NAF1: variants seen among roughly 807,000 people sequenced by gnomAD.
The protein encoded by NAF1 is nuclear assembly factor 1 ribonucleoprotein, also known as H/ACA ribonucleoprotein complex non-core subunit NAF1.
In NAF1, 11 loss-of-function variants were observed where a neutral mutation model predicts 40.6. The ratio of observed to expected loss-of-function variants is 0.27; its 90% CI spans 0.17 to 0.45. The LOEUF is 0.45. NAF1 is among the 20% of genes least tolerant of loss of function. The pLI, the probability that NAF1 is intolerant of heterozygous loss-of-function variation, is 1.00. For synonymous variants in NAF1, 260 were observed against 228.5 expected (o/e 1.14, Z -1.24); for missense variants, 607 against 611.1 (o/e 0.99, Z 0.07).
At chr4:163,161,338 T>G (rs1732211903) in intron 2 of NAF1, among the ~76,000 whole-genome samples, 1 of 151,898 alleles carries the variant, frequency 6.6e-6, no homozygotes, top group African/African-American at 2.4e-5. Context: ...CAAGGCGTGG[T>G]GGTGGGCGCT....
chr4:163,132,063 C>T (rs1028717944), intron 7 of NAF1, among the ~76,000 whole-genome samples: 9 of 152,084 alleles, frequency 5.9e-5, no homozygotes, highest in African/African-American at 2.2e-4. Flanking sequence ...AGTGATAACA[C>T]CAAATGCTGG....
chr4:163,115,672 T>G (rs1186847593), intron 2 of NAF1, among the ~76,000 whole-genome samples: 1 of 152,218 alleles, frequency 6.6e-6, no homozygotes, highest in African/African-American at 2.4e-5. Context: ...GTAGTTTTTT[T>G]GTGACTGGGC....
chr4:163,129,443 G>C (rs918656866), intron 7 of NAF1, 95 bp from the exon 8 acceptor site: 8 of 1,256,272 alleles, frequency 6.4e-6, no homozygotes, highest in Non-Finnish European at 8.7e-6. Context: ...TTATTATCCA[G>C]TATATCTTGT....
chr4:163,124,424 G>A (rs1021891681), downstream of NAF1, among the ~76,000 whole-genome samples: 3 of 129,124 alleles, frequency 2.3e-5, no homozygotes, highest in African/African-American at 7.4e-5. Flanking sequence ...CCATACATAA[G>A]TGCAGAGCCC....
chr4:163,108,415 C>T (rs1238259659), downstream of NAF1, among the ~76,000 whole-genome samples: 4 of 152,126 alleles, frequency 2.6e-5, no homozygotes, highest in Non-Finnish European at 4.4e-5. Context: ...CCTCCTAAAA[C>T]AATAGTTGAC....
intron 2 of NAF1, among the ~76,000 whole-genome samples, chr4:163,161,246 G>A (rs1470369562): frequency 6.6e-6 from 1 of 152,140 alleles, no homozygotes; most frequent in Non-Finnish European, 1.5e-5. Context: ...GCCGAGGCAG[G>A]TGGATCACCT....
intron 4 of NAF1, among the ~76,000 whole-genome samples, chr4:163,140,797 G>A (rs1219572667): frequency 6.6e-6 from 1 of 152,172 alleles, no homozygotes; most frequent in Admixed American, 6.5e-5. Context: ...AAATATAAAA[G>A]CAAGCTTCTG....
At chr4:163,108,681 T>A (rs1014617249), downstream of NAF1, 21 of 152,170 alleles carry the variant, frequency 1.4e-4, no homozygotes, top group African/African-American at 3.6e-4. Flanking sequence ...TAATAGAATA[T>A]GGGTTTTCAA....
intron 2 of NAF1, among the ~76,000 whole-genome samples, chr4:163,159,814 A>T (rs1321551918): frequency 6.6e-6 from 1 of 152,150 alleles, no homozygotes; most frequent in African/African-American, 2.4e-5. Flanking sequence ...ATGCCTAAAG[A>T]CACATTATTA....
At chr4:163,125,433 A>G (rs1016284571), downstream of NAF1, among the ~76,000 whole-genome samples, 1 of 152,254 alleles carries the variant, frequency 6.6e-6, no homozygotes, top group African/African-American at 2.4e-5. Context: ...GCTTTACAGC[A>G]GATATGGAGT....
downstream of NAF1, chr4:163,108,999 C>T (rs767760941): frequency 3.9e-4 from 59 of 151,992 alleles, no homozygotes; most frequent in African/African-American, 1.4e-3. Flanking sequence ...TTCCCTATTC[C>T]GTCCTTTCTC....
intron 2 of NAF1, among the ~76,000 whole-genome samples, chr4:163,117,911 CA>C (rs1730399443): frequency 1.3e-5 from 2 of 152,054 alleles, no homozygotes; most frequent in South Asian, 4.2e-4. Flanking sequence ...TTTTTTTAAG[CA>C]AATTTTATTA....
At chr4:163,155,296 A>G (rs1731934755) in intron 2 of NAF1, among the ~76,000 whole-genome samples, 1 of 152,168 alleles carries the variant, frequency 6.6e-6, no homozygotes, top group South Asian at 2.1e-4. Flanking sequence ...AACCATAACT[A>G]AGACCTTTTT....
chr4:163,143,591 A>G (rs1731345502), intron 4 of NAF1, among the ~76,000 whole-genome samples: 1 of 152,180 alleles, frequency 6.6e-6, no homozygotes, highest in Non-Finnish European at 1.5e-5. Context: ...GGTAACTCCC[A>G]GTTTTTCTAT....
At chr4:163,149,646 T>A (rs1024183240) in intron 2 of NAF1, among the ~76,000 whole-genome samples, 5 of 152,160 alleles carry the variant, frequency 3.3e-5, no homozygotes, top group African/African-American at 9.6e-5. Context: ...AGAATTCTTA[T>A]GAGTACTTTC....
At chr4:163,105,721 G>T, downstream of NAF1, among the ~76,000 whole-genome samples, 2 of 152,108 alleles carry the variant, frequency 1.3e-5, no homozygotes, top group South Asian at 4.1e-4. Context: ...CTTCCTTTTG[G>T]TTAAACAAGT....
chr4:163,137,829 A>G (rs562390029), intron 5 of NAF1, among the ~76,000 whole-genome samples: 31 of 152,288 alleles, frequency 2.0e-4, no homozygotes, highest in African/African-American at 7.2e-4. Flanking sequence ...GAAGAGGAAG[A>G]GAAGCTGCTT....
chr4:163,108,981 A>C (rs1426004452), downstream of NAF1: 1 of 152,158 alleles, frequency 6.6e-6, no homozygotes, highest in African/African-American at 2.4e-5. Context: ...AGGCTTAGGA[A>C]GACTGAGTTC....
chr4:163,151,474 T>C (rs1345734627), intron 2 of NAF1, among the ~76,000 whole-genome samples: 1 of 152,052 alleles, frequency 6.6e-6, no homozygotes, highest in Admixed American at 6.5e-5. Flanking sequence ...CCAGTTATCC[T>C]GACATGCTGT....
Sources: gnomAD v4.1 joint callset for allele counts (sites outside exome capture counted in the v4.1 genomes callset) on GRCh38, gnomAD v4.1.1 for gene constraint, MANE v1.5 for transcripts, NCBI Gene and HGNC (gene_info 2026-07-23, HGNC 2026-07-21) for gene names.